MRM1: variants seen among roughly 807,000 people sequenced by gnomAD.
MRM1 encodes the protein rRNA methyltransferase 1, mitochondrial.
MRM1 carries 24 observed loss-of-function variants against 25.0 expected under a neutral mutation model. The observed-to-expected ratio is 0.96, with a 90% confidence interval of 0.69 to 1.35. The LOEUF (loss-of-function observed/expected upper bound fraction) is 1.35, where lower values mean the gene tolerates loss of function less well. Among genes scored for constraint, MRM1 ranks in the 40% most tolerant of loss-of-function variants. MRM1 has a pLI of 0.00. For synonymous variants in MRM1, 188 were observed against 199.2 expected (o/e 0.94, Z 0.47); for missense variants, 431 against 464.1 (o/e 0.93, Z 0.65).
rs1599576015 is a variant in MRM1 at position 36,602,736 on chromosome 17, G to A, written c.636+90G>A. ...GCTAGCCCCTGGCGAGGGAGAGAAA[G>A]GGGCATGTTGGCACCGCTTCCTTTG... On this transcript the variant is annotated intron_variant, in intron 2 of 4. Transcript: ENST00000614766. The surrounding 1 kb of genome is among the most constrained non-coding windows in gnomAD (Gnocchi z 4.1). 6.7e-7 allele frequency: 1 copy of A among 1,482,576 alleles called. No individual in the cohort carries two copies. The highest frequency in any genetic ancestry group is 2.3e-5 in the East Asian group (1 of 43,772). 91.8% of individuals were successfully genotyped at this position (1,482,576 alleles called of 1,614,324 possible). A position where few individuals can be genotyped will look rare whatever the true frequency, so the allele number is the denominator to read the frequency against.
At position 36,608,442 on chromosome 17, in the gene MRM1, C is replaced by A; in HGVS notation, c.*27C>A. The A allele has an allele frequency of 6.9e-7, 1 of 1,452,784 alleles. No individual in the cohort carries two copies. The allele number at this position is 1,452,784 out of a possible 1,614,324, so 90.0% of individuals were successfully genotyped here. On this transcript the variant is annotated 3_prime_UTR_variant, in exon 5 of 5. Coordinates refer to ENST00000614766, the MANE Select transcript of MRM1 (RefSeq NM_024864.5). ...GTGGACTGTCCACAGTGTTCATGTG[C>A]TGGAGTCAGGGACGGCCGCACCTGC...
chr17:36,634,391 A>G, the MRM1 span: 1 of 152,184 alleles, frequency 6.6e-6, no homozygotes, highest in Non-Finnish European at 1.5e-5. Context: ...CAAATGGGGC[A>G]ACTAAGGCAT....
rs978608588 is a variant in MRM1 at position 36,607,780 on chromosome 17, A to G, written c.747A>G (p.Glu249=). The change falls in exon 3 of 5, where the codon GAA becomes GAG. Residue 249 remains glutamate (E), a synonymous_variant. Transcript: ENST00000614766. ...PIMSCLEFLW[E]RPTLLVLGNE... ...TGAGTTGCTTGGAGTTCCTCTGGGAACGGCCTACTCTCCTTGTGCTGGGTA... is the reference window on the plus strand; with the variant it reads ...TGAGTTGCTTGGAGTTCCTCTGGGAGCGGCCTACTCTCCTTGTGCTGGGTA... 2.1e-5 allele frequency: 34 copies of G among 1,613,856 alleles called. No homozygotes were observed. Among genetic ancestry groups the G allele is most frequent in the Non-Finnish European group, 2.8e-5 (33 of 1,180,006 alleles).
chr17:36,613,753 G>A (rs569194162), downstream of MRM1, among the ~76,000 whole-genome samples: 15 of 151,824 alleles, frequency 9.9e-5, no homozygotes, highest in South Asian at 2.1e-4. Flanking sequence ...TGTACTGGGC[G>A]CGCTGCCTTT....
At chr17:36,612,221 C>A (rs1239313012), downstream of MRM1, among the ~76,000 whole-genome samples, 1 of 152,192 alleles carries the variant, frequency 6.6e-6, no homozygotes, top group African/African-American at 2.4e-5. Flanking sequence ...CTAGAAGACT[C>A]TCCTGGGCTT....
At chr17:36,631,109 G>T in the MRM1 span, among the ~76,000 whole-genome samples, 1 of 152,210 alleles carries the variant, frequency 6.6e-6, no homozygotes, top group Non-Finnish European at 1.5e-5. Flanking sequence ...CCCAGCTCCT[G>T]CATTTAACAA....
chr17:36,625,340 C>T, the MRM1 span, among the ~76,000 whole-genome samples: 1 of 70,028 alleles, frequency 1.4e-5, no homozygotes, highest in Admixed American at 1.6e-4. Flanking sequence ...TTCTCCTTCG[C>T]CTTCTTCTTC....
Position 36,601,688 on chromosome 17 carries a change from C to G in MRM1, c.-123C>G. The G allele has an allele frequency of 9.4e-7, 1 of 1,063,754 alleles. No individual in the cohort carries two copies. Among genetic ancestry groups the G allele is most frequent in the East Asian group, 2.6e-5 (1 of 37,940 alleles). The allele number at this position is 1,063,754 out of a possible 1,614,324, so 65.9% of individuals were successfully genotyped here. A position where few individuals can be genotyped will look rare whatever the true frequency, so the allele number is the denominator to read the frequency against. On this transcript the variant is annotated 5_prime_UTR_variant, in exon 1 of 5. Transcript: ENST00000614766. ...CTGTTTGTTCCTGTCCGAGAGAGCT[C>G]GGCGGAGACGGCTGTCGAGTACCCT... is the stretch of plus-strand genomic sequence containing the variant.
chr17:36,610,920 TCTC>T (rs543871683), downstream of MRM1, among the ~76,000 whole-genome samples: 37 of 152,124 alleles, frequency 2.4e-4, no homozygotes, highest in Non-Finnish European at 4.9e-4. Context: ...TTCAAGCGGT[TCTC>T]CTGCCTCAGC....
At chr17:36,621,335 C>A in the MRM1 span, among the ~76,000 whole-genome samples, 3 of 152,080 alleles carry the variant, frequency 2.0e-5, no homozygotes, top group Non-Finnish European at 2.9e-5. Context: ...CATCTAGAAC[C>A]CAACAGGGCC....
At chr17:36,610,830 T>C, downstream of MRM1, among the ~76,000 whole-genome samples, 1 of 152,180 alleles carries the variant, frequency 6.6e-6, no homozygotes, top group East Asian at 1.9e-4. Context: ...TTTTCTTTTT[T>C]TGAGACGGAG....
intron 2 of MRM1, among the ~76,000 whole-genome samples, chr17:36,605,099 C>T (rs1014911634): frequency 3.9e-4 from 59 of 150,344 alleles, no homozygotes; most frequent in Admixed American, 2.3e-3. Flanking sequence ...GAGATCACAG[C>T]GTTGCACTCC....
In MRM1 at chr17:36,602,991, C is replaced by G; in HGVS notation, c.636+345C>G. 2 of 985,378 alleles carry G rather than the reference C, an allele frequency of 2.0e-6. No individual in the cohort carries two copies. The highest frequency in any genetic ancestry group is 4.7e-5 in the South Asian group (1 of 21,284). The allele number at this position is 985,378 out of a possible 1,614,324, so 61.0% of individuals were successfully genotyped here. A position where few individuals can be genotyped will look rare whatever the true frequency, so the allele number is the denominator to read the frequency against. ...GAGCTGCGTACAGGAGACCTGAGTT[C>G]CTCGAATAGGGCACAGCTTGAAAGG... On this transcript the variant is annotated intron_variant, in intron 2 of 4. Coordinates refer to ENST00000614766, the MANE Select transcript of MRM1 (RefSeq NM_024864.5). This position sits in a 1 kb window ranked among gnomAD's most constrained non-coding sequence, Gnocchi z 4.1.
intron 2 of MRM1, among the ~76,000 whole-genome samples, chr17:36,606,781 G>A (rs2074932589): frequency 6.6e-6 from 1 of 151,556 alleles, no homozygotes; most frequent in Non-Finnish European, 1.5e-5. Flanking sequence ...CTAATTTTTT[G>A]TGTGTTTTTA....
At chr17:36,623,949 G>T in the MRM1 span, among the ~76,000 whole-genome samples, 14 of 152,194 alleles carry the variant, frequency 9.2e-5, no homozygotes, top group African/African-American at 3.4e-4. Context: ...GTCTTCCTTG[G>T]CTGGGCACTT....
chr17:36,631,116 A>G, the MRM1 span, among the ~76,000 whole-genome samples: 2 of 152,232 alleles, frequency 1.3e-5, no homozygotes, highest in Non-Finnish European at 2.9e-5. Flanking sequence ...CCTGCATTTA[A>G]CAAACGTGAA....
chr17:36,608,539 TGGG>T lies in MRM1; in HGVS notation c.*133_*135del, dbSNP rs36120863. Reference sequence around the variant, plus strand: ...AGGCCCATGTTTATTGACCACAGTCTGGGGGGGGGGGAAGGGGACTGCGGTGGA... The same window carrying T: ...AGGCCCATGTTTATTGACCACAGTCTGGGGGGGGAAGGGGACTGCGGTGGA... On this transcript the variant is annotated 3_prime_UTR_variant, in exon 5 of 5. Transcript: ENST00000614766. 3.6e-6 allele frequency: 1 copy of T among 274,722 alleles called. No homozygotes were observed. Among genetic ancestry groups the T allele is most frequent in the Non-Finnish European group, 6.4e-6 (1 of 155,428 alleles). The allele number at this position is 274,722 out of a possible 1,614,324, so 17.0% of individuals were successfully genotyped here.
At chr17:36,630,931 G>A in the MRM1 span, among the ~76,000 whole-genome samples, 2 of 152,142 alleles carry the variant, frequency 1.3e-5, no homozygotes, top group African/African-American at 2.4e-5. Flanking sequence ...CGTCCTGGGC[G>A]AGTTTCCTGG....
chr17:36,633,602 G>A, the MRM1 span, among the ~76,000 whole-genome samples: 1 of 151,570 alleles, frequency 6.6e-6, no homozygotes, highest in Non-Finnish European at 1.5e-5. Context: ...AGAAGAGAAG[G>A]GGAGGAGGAA....
Sources: gnomAD v4.1 joint callset for allele counts (sites outside exome capture counted in the v4.1 genomes callset) on GRCh38, gnomAD v4.1.1 for gene constraint, Gnocchi (gnomAD v3.1) non-coding constraint, MANE v1.5 for transcripts, NCBI Gene and HGNC (gene_info 2026-07-23, HGNC 2026-07-21) for gene names.